The following ZCCHC14 variants were observed in gnomAD, a reference collection of about 807,000 sequenced individuals.
The protein encoded by ZCCHC14 is zinc finger CCHC domain-containing protein 14.
ZCCHC14 carries 16 observed loss-of-function variants against 85.0 expected under a neutral mutation model. The ratio of observed to expected loss-of-function variants is 0.19; its 90% confidence interval spans 0.13 to 0.29. The LOEUF (loss-of-function observed/expected upper bound fraction) is 0.29. ZCCHC14 is among the 10% of genes least tolerant of loss of function. The pLI is 1.00. For synonymous variants in ZCCHC14, 775 were observed against 630.7 expected (o/e 1.23, Z -3.43); for missense variants, 1,303 against 1,443.5 (o/e 0.90, Z 1.58).
intron 5 of ZCCHC14, 47 bp from the exon 6 acceptor site, chr16:87,419,924 G>A: frequency 2.0e-6 from 3 of 1,505,040 alleles, no homozygotes; most frequent in Non-Finnish European, 2.7e-6. Flanking sequence ...TGGCATTCCT[G>A]CTGACGAATT....
At chr16:87,462,822 C>A (rs1398365598) in intron 1 of ZCCHC14, among the ~76,000 whole-genome samples, 1 of 151,968 alleles carries the variant, frequency 6.6e-6, no homozygotes, top group East Asian at 1.9e-4. Flanking sequence ...GTAATCCCAG[C>A]ACTTTGGGAG....
At chr16:87,481,566 A>AGGGGGGGGGGGG (rs1912281075) in intron 1 of ZCCHC14, among the ~76,000 whole-genome samples, 1 of 30,868 alleles carries the variant, frequency 3.2e-5, no homozygotes, top group African/African-American at 1.3e-4. Context: ...GGTAAGCGGG[A>AGGGGGGGGGGGG]GGGGAAAGGA....
chr16:87,451,329 T>A (rs1442990278), intron 2 of ZCCHC14, among the ~76,000 whole-genome samples: 1 of 151,822 alleles, frequency 6.6e-6, no homozygotes, highest in Non-Finnish European at 1.5e-5. Flanking sequence ...CCCAAGCACC[T>A]GATATTACAG....
At chr16:87,413,441 T>A (rs1397897919) in intron 10 of ZCCHC14, among the ~76,000 whole-genome samples, 2 of 152,018 alleles carry the variant, frequency 1.3e-5, no homozygotes, top group African/African-American at 4.8e-5. Context: ...CCCAGAACAA[T>A]GCCCTGTGAA....
At chr16:87,485,658 G>C (rs971824176) in intron 1 of ZCCHC14, among the ~76,000 whole-genome samples, 1 of 151,606 alleles carries the variant, frequency 6.6e-6, no homozygotes, top group East Asian at 1.9e-4. Flanking sequence ...GGGGGCGGGG[G>C]AGAATACTAA....
chr16:87,469,698 G>C (rs1332481366), intron 1 of ZCCHC14, among the ~76,000 whole-genome samples: 1 of 152,220 alleles, frequency 6.6e-6, no homozygotes, highest in Non-Finnish European at 1.5e-5. Flanking sequence ...AATTGCTTCA[G>C]TGCTGTCACA....
chr16:87,457,366 G>T lies in ZCCHC14; in HGVS notation c.694+2642C>A, dbSNP rs185824329. Reference sequence around the variant, plus strand: ...CCACAGGGTTAAGAGCATTAGCTCTGGCTTTGAATCCCAGCTGACCTCAGG... The same window carrying T: ...CCACAGGGTTAAGAGCATTAGCTCTTGCTTTGAATCCCAGCTGACCTCAGG... On this transcript the variant is annotated intron_variant, in intron 2 of 12. Coordinates refer to ENST00000671377, the MANE Select transcript of ZCCHC14 (RefSeq NM_015144.3). 2.0e-3 allele frequency among the ~76,000 whole-genome samples: 309 copies of T among 152,318 alleles called. 9 individuals carry two copies. The highest frequency in any genetic ancestry group is 4.4e-4 in the Non-Finnish European group (30 of 68,032).
In ZCCHC14 at chr16:87,450,333, T is replaced by C. The variant is rs1910636919; in HGVS notation, c.694+9675A>G. ...GTTAATGGGATAATTTCTAGAAGCATTACCTCTTGTAGCTGTTATTAGAAT... is the reference window on the plus strand; with the variant it reads ...GTTAATGGGATAATTTCTAGAAGCACTACCTCTTGTAGCTGTTATTAGAAT... On this transcript the variant is annotated intron_variant, in intron 2 of 12. Transcript: ENST00000671377. 2.6e-5 allele frequency among the ~76,000 whole-genome samples: 4 copies of C among 152,240 alleles called. No homozygotes were observed. In the South Asian group the frequency reaches 8.3e-4, roughly 31 times the overall value.
intron 3 of ZCCHC14, among the ~76,000 whole-genome samples, chr16:87,432,784 A>G (rs1376149335): frequency 6.6e-6 from 1 of 152,182 alleles, no homozygotes; most frequent in East Asian, 1.9e-4. Context: ...AGCTTTCATC[A>G]TCAGTCTCCA....
intron 1 of ZCCHC14, among the ~76,000 whole-genome samples, chr16:87,476,968 T>C (rs1465210604): frequency 6.6e-6 from 1 of 150,904 alleles, no homozygotes; most frequent in Non-Finnish European, 1.5e-5. Context: ...CTAATAAAAA[T>C]ACAAAAATTA....
At chr16:87,478,124 G>C (rs1447864090) in intron 1 of ZCCHC14, among the ~76,000 whole-genome samples, 1 of 152,152 alleles carries the variant, frequency 6.6e-6, no homozygotes, top group African/African-American at 2.4e-5. Context: ...ACTATTAATG[G>C]TATGCTGGTT....
intron 1 of ZCCHC14, chr16:87,472,117 G>A (rs1911797742): frequency 6.6e-6 from 1 of 152,292 alleles, no homozygotes; most frequent in African/African-American, 2.4e-5. Context: ...TGGGGGTAGG[G>A]GTGGAACTGA....
At chr16:87,423,563 G>C (rs373045030) in intron 4 of ZCCHC14, among the ~76,000 whole-genome samples, 2 of 152,140 alleles carry the variant, frequency 1.3e-5, no homozygotes, top group African/African-American at 2.4e-5. Flanking sequence ...CATGCCCGGC[G>C]CATCTCTCAG....
chr16:87,464,202 A>G (rs911208087), intron 1 of ZCCHC14, among the ~76,000 whole-genome samples: 1 of 152,206 alleles, frequency 6.6e-6, no homozygotes, highest in African/African-American at 2.4e-5. Context: ...GAGCAGGGGA[A>G]AACACAGCCT....
intron 10 of ZCCHC14, among the ~76,000 whole-genome samples, chr16:87,414,117 C>G (rs3815946): frequency 0.011 from 1,421 of 129,656 alleles, 50 homozygotes; most frequent in African/African-American, 0.047. Flanking sequence ...CCCGGCACAC[C>G]GGCCCTCTCT....
intron 2 of ZCCHC14, among the ~76,000 whole-genome samples, chr16:87,443,773 A>T (rs1040596438): frequency 6.6e-6 from 1 of 152,040 alleles, no homozygotes; most frequent in African/African-American, 2.4e-5. Flanking sequence ...GCTGCAGCTC[A>T]TGCCTATAAT....
chr16:87,420,220 T>C lies in ZCCHC14; in HGVS notation c.951-343A>G, dbSNP rs1163969052. ...GCACATTTACGGAACTGGTCGGCCA[T>C]GTTACTTCGTGTGCCACGTGAGCCA... On this transcript the variant is annotated intron_variant, in intron 5 of 12. Transcript: ENST00000671377. The surrounding 1 kb of genome is among the most constrained non-coding windows in gnomAD (Gnocchi z 5.0). Among the ~76,000 whole-genome samples the C allele has an allele frequency of 6.6e-6, 1 of 152,224 alleles. No individual in the cohort carries two copies. The highest frequency in any genetic ancestry group is 1.5e-5 in the Non-Finnish European group (1 of 68,042).
At position 87,412,398 on chromosome 16, in the gene ZCCHC14, T is replaced by C. The variant is rs1908507889; in HGVS notation, c.2323A>G (p.Lys775Glu). 1 of 1,614,030 alleles carries C rather than the reference T, an allele frequency of 6.2e-7. No individual in the cohort carries two copies. The highest frequency in any genetic ancestry group is 8.5e-7 in the Non-Finnish European group (1 of 1,180,034). Reference protein sequence around the residue: ...TVLHAARPPIKLLLSSSVPAD... With the variant: ...TVLHAARPPIELLLSSSVPAD... Reference sequence around the variant, plus strand: ...GGAACAGATGACGACAGCAGCAGTTTGATGGGCGGACGGGCGGCGTGGAGG... The same window carrying C: ...GGAACAGATGACGACAGCAGCAGTTCGATGGGCGGACGGGCGGCGTGGAGG... The change falls in exon 12 of 13, where the codon AAA (lysine) becomes GAA (glutamate). Residue 775 changes from lysine (K) to glutamate (E), a missense_variant. Coordinates refer to ENST00000671377, the MANE Select transcript of ZCCHC14 (RefSeq NM_015144.3).
At chr16:87,445,070 CTTT>C (rs56137815) in intron 2 of ZCCHC14, among the ~76,000 whole-genome samples, 5 of 140,522 alleles carry the variant, frequency 3.6e-5, no homozygotes, top group Non-Finnish European at 6.3e-5. Context: ...TCAAAATAAA[CTTT>C]TTTTTTTTTT....
Sources: gnomAD v4.1 joint callset for allele counts (sites outside exome capture counted in the v4.1 genomes callset) on GRCh38, gnomAD v4.1.1 for gene constraint, Gnocchi (gnomAD v3.1) non-coding constraint, MANE v1.5 for transcripts, NCBI Gene and HGNC (gene_info 2026-07-23, HGNC 2026-07-21) for gene names.